The following PTPN4 variants were observed in gnomAD, a reference collection of about 807,000 sequenced individuals.
The protein encoded by PTPN4 is tyrosine-protein phosphatase non-receptor type 4.
A neutral mutation model predicts 135.5 loss-of-function variants in PTPN4; 49 were observed. The observed-to-expected ratio is 0.36, with a 90% CI of 0.29 to 0.46. The LOEUF (loss-of-function observed/expected upper bound fraction) is 0.46. Among genes scored for constraint, PTPN4 ranks in the 20% least tolerant of loss-of-function variants. The pLI is 1.00. For missense variants in PTPN4, 860 were observed against 1,101.0 expected (o/e 0.78, Z 3.10); for synonymous variants, 333 against 369.9 (o/e 0.90, Z 1.14).
chr2:119,959,694 C>CT (rs1179704056), intron 22 of PTPN4, among the ~76,000 whole-genome samples: 2 of 152,274 alleles, frequency 1.3e-5, no homozygotes, highest in South Asian at 2.1e-4. Flanking sequence ...CGCTGGCAGG[C>CT]TATGGGACAA....
At chr2:119,780,106 A>G (rs897513953) in intron 1 of PTPN4, among the ~76,000 whole-genome samples, 3 of 152,110 alleles carry the variant, frequency 2.0e-5, no homozygotes, top group Admixed American at 6.6e-5. Flanking sequence ...TATCATGCCT[A>G]TGGAAAAGTA....
At chr2:119,847,341 T>TTTTTTGAGACAGAG (rs1677519747) in intron 2 of PTPN4, among the ~76,000 whole-genome samples, 1 of 146,976 alleles carries the variant, frequency 6.8e-6, no homozygotes, top group African/African-American at 2.5e-5. Flanking sequence ...TTTTTTTTTT[T>TTTTTTGAGACAGAG]TTTGAGACAG....
At chr2:119,801,975 A>T (rs1400614624) in intron 1 of PTPN4, among the ~76,000 whole-genome samples, 1 of 131,296 alleles carries the variant, frequency 7.6e-6, no homozygotes, top group Admixed American at 9.7e-5. Context: ...ATCTTGGCTC[A>T]CTGCAACCTC....
chr2:119,885,895 A>C lies in PTPN4; in HGVS notation c.675+13A>C. ...CCACTATGCAAGGGTAAGTGAAGAA[A>C]ACTTACTTTGATGTTGTTGAGTTAG... On this transcript the variant is annotated intron_variant, in intron 9 of 26. Coordinates refer to ENST00000263708, the MANE Select transcript of PTPN4 (RefSeq NM_002830.4). The C allele has an allele frequency of 6.5e-7, 1 of 1,530,190 alleles. No homozygotes were observed. Among genetic ancestry groups the C allele is most frequent in the Non-Finnish European group, 8.8e-7 (1 of 1,132,034 alleles). 94.8% of individuals were successfully genotyped at this position (1,530,190 alleles called of 1,614,324 possible).
chr2:119,885,178 T>C (rs1441747756), intron 8 of PTPN4, among the ~76,000 whole-genome samples: 1 of 152,236 alleles, frequency 6.6e-6, no homozygotes, highest in Non-Finnish European at 1.5e-5. Flanking sequence ...GTGTTACTTA[T>C]ATTTTGTAGA....
intron 3 of PTPN4, among the ~76,000 whole-genome samples, chr2:119,871,227 A>C (rs973457742): frequency 1.3e-5 from 2 of 150,596 alleles, no homozygotes; most frequent in African/African-American, 4.9e-5. Flanking sequence ...GGCTCGGGAA[A>C]TGTGCATTCT....
intron 2 of PTPN4, among the ~76,000 whole-genome samples, chr2:119,847,328 A>ATTTTTTT (rs150876390): frequency 1.9e-5 from 2 of 102,754 alleles, no homozygotes; most frequent in African/African-American, 8.8e-5. Flanking sequence ...ATATATATAT[A>ATTTTTTT]TTTTTTTTTT....
intron 26 of PTPN4, among the ~76,000 whole-genome samples, chr2:119,973,669 T>TTTTTTTTTTTTTTTTTTG (rs1679571623): frequency 7.2e-6 from 1 of 138,996 alleles, no homozygotes. Flanking sequence ...TTTTTTTTTT[T>TTTTTTTTTTTTTTTTTTG]TTTTTTTTTT....
intron 1 of PTPN4, among the ~76,000 whole-genome samples, chr2:119,805,028 G>A (rs1574343170): frequency 1.1e-5 from 1 of 94,244 alleles, no homozygotes. Context: ...GGTCATCTCT[G>A]ATGACCAGTG....
At chr2:119,862,733 T>C (rs575798856) in intron 3 of PTPN4, 90 bp downstream of exon 3, 2 of 1,010,026 alleles carry the variant, frequency 2.0e-6, no homozygotes, top group African/African-American at 3.3e-5. Flanking sequence ...TGTTCACTGA[T>C]TTGATGAGTT....
chr2:119,760,292 CG>C lies in PTPN4; in HGVS notation c.-108del. 1 of 395,798 alleles carries C rather than the reference CG, an allele frequency of 2.5e-6. No individual in the cohort carries two copies. The highest frequency in any genetic ancestry group is 4.5e-6 in the Non-Finnish European group (1 of 224,284). The allele number at this position is 395,798 out of a possible 1,614,324, so 24.5% of individuals were successfully genotyped here. A position where few individuals can be genotyped will look rare whatever the true frequency, so the allele number is the denominator to read the frequency against. ...CTCGGGGGGCGCTGAGGTAGCCCCC[CG>C]GAGCGGCACGGAGGACGCGCTTCTC... is the stretch of plus-strand genomic sequence containing the variant. On this transcript the variant is annotated 5_prime_UTR_variant, in exon 1 of 27. Coordinates refer to ENST00000263708, the MANE Select transcript of PTPN4 (RefSeq NM_002830.4).
intron 9 of PTPN4, among the ~76,000 whole-genome samples, chr2:119,887,911 A>T (rs1268336325): frequency 6.6e-5 from 10 of 152,090 alleles, no homozygotes; most frequent in Non-Finnish European, 1.0e-4. Context: ...ATGAAGAACG[A>T]TGTTGGTATT....
At chr2:119,863,302 C>T (rs987348612) in intron 3 of PTPN4, among the ~76,000 whole-genome samples, 2 of 151,744 alleles carry the variant, frequency 1.3e-5, no homozygotes, top group African/African-American at 2.4e-5. Flanking sequence ...TACTCTGAAC[C>T]GAGATAAAGG....
intron 1 of PTPN4, among the ~76,000 whole-genome samples, chr2:119,768,631 C>CT (rs1213775043): frequency 6.6e-6 from 1 of 152,134 alleles, no homozygotes; most frequent in Non-Finnish European, 1.5e-5. Flanking sequence ...TTCCTATTAT[C>CT]TCCTCAGTGT....
intron 2 of PTPN4, among the ~76,000 whole-genome samples, chr2:119,852,731 G>T (rs1049488884): frequency 6.6e-6 from 1 of 151,728 alleles, no homozygotes; most frequent in Non-Finnish European, 1.5e-5. Context: ...GACTTGATTT[G>T]AGACCTTCCC....
At chr2:119,968,097 C>T (rs1679471482) in intron 26 of PTPN4, 125 bp downstream of exon 26, 2 of 828,442 alleles carry the variant, frequency 2.4e-6, no homozygotes, top group African/African-American at 1.8e-5. Context: ...GTCAAATAAC[C>T]TCTAGCACAG....
intron 26 of PTPN4, among the ~76,000 whole-genome samples, chr2:119,970,526 C>T (rs559244882): frequency 1.7e-4 from 26 of 152,266 alleles, no homozygotes; most frequent in Non-Finnish European, 3.2e-4. Context: ...GTAGAGTTGC[C>T]TATTCTGGAC....
chr2:119,834,721 C>T (rs1296141097), intron 2 of PTPN4, among the ~76,000 whole-genome samples: 2 of 152,048 alleles, frequency 1.3e-5, no homozygotes, highest in East Asian at 3.8e-4. Flanking sequence ...AGTATAAGTC[C>T]TGCCACTCAT....
chr2:119,788,843 T>G (rs1691090500), intron 1 of PTPN4, among the ~76,000 whole-genome samples: 1 of 152,204 alleles, frequency 6.6e-6, no homozygotes. Context: ...TGGTTTGTTT[T>G]CATCTTTTGG....
Sources: allele counts gnomAD v4.1 joint callset (sites outside exome capture counted in the v4.1 genomes callset), GRCh38; gene constraint gnomAD v4.1.1; transcripts MANE v1.5; gene names NCBI Gene and HGNC (gene_info 2026-07-23, HGNC 2026-07-21).